FAM227B: variants seen among roughly 807,000 people sequenced by gnomAD.
FAM227B encodes the protein protein FAM227B.
A neutral mutation model predicts 73.8 loss-of-function variants in FAM227B; 88 were observed. The ratio of observed to expected loss-of-function variants is 1.19; its 90% CI spans 1.00 to 1.42. The LOEUF (loss-of-function observed/expected upper bound fraction) is 1.42. Among genes scored for constraint, FAM227B ranks in the 40% most tolerant of loss-of-function variants. The pLI, the probability that FAM227B is intolerant of heterozygous loss-of-function variation, is 0.00. For synonymous variants in FAM227B, 210 were observed against 190.5 expected (o/e 1.10, Z -0.84); for missense variants, 632 against 590.9 (o/e 1.07, Z -0.72).
chr15:49,603,095 T>A (rs1435870111), intron 3 of FAM227B, among the ~76,000 whole-genome samples: 1 of 152,196 alleles, frequency 6.6e-6, no homozygotes, highest in Non-Finnish European at 1.5e-5. Context: ...CTTGTTTTAC[T>A]CTTTTGCTTA....
At chr15:49,340,587 C>T (rs980953676) in intron 13 of FAM227B, among the ~76,000 whole-genome samples, 9 of 152,066 alleles carry the variant, frequency 5.9e-5, no homozygotes, top group African/African-American at 2.2e-4. Context: ...CAGCAAAGTC[C>T]TTGCCCACTT....
chr15:49,608,507 TAAG>T (rs1161590697), intron 3 of FAM227B, among the ~76,000 whole-genome samples: 1 of 151,948 alleles, frequency 6.6e-6, no homozygotes, highest in Non-Finnish European at 1.5e-5. Context: ...AGGTAAGAAA[TAAG>T]AAGCATGACT....
chr15:49,500,774 T>C (rs1180534105), intron 11 of FAM227B, among the ~76,000 whole-genome samples: 3 of 152,130 alleles, frequency 2.0e-5, no homozygotes, highest in Non-Finnish European at 4.4e-5. Context: ...TGGGGCCTGG[T>C]GGGAGGTGGC....
At chr15:49,500,016 A>T (rs2058009851) in intron 11 of FAM227B, among the ~76,000 whole-genome samples, 2 of 152,176 alleles carry the variant, frequency 1.3e-5, no homozygotes, top group Non-Finnish European at 2.9e-5. Context: ...CTAATTATAA[A>T]CTTTTGTTTT....
chr15:49,439,878 C>T (rs765563102), intron 11 of FAM227B, among the ~76,000 whole-genome samples: 1 of 151,680 alleles, frequency 6.6e-6, no homozygotes, highest in Non-Finnish European at 1.5e-5. Flanking sequence ...TGGAAGGAAG[C>T]CATGAGATCA....
chr15:49,361,473 C>G (rs943115255), intron 13 of FAM227B, among the ~76,000 whole-genome samples: 10 of 152,252 alleles, frequency 6.6e-5, no homozygotes, highest in African/African-American at 2.4e-4. Flanking sequence ...TGTTTAGCTC[C>G]TACTTATTAG....
chr15:49,374,667 CTGAG>C (rs2046043379), intron 11 of FAM227B, among the ~76,000 whole-genome samples: 1 of 152,184 alleles, frequency 6.6e-6, no homozygotes, highest in Non-Finnish European at 1.5e-5. Flanking sequence ...CCTCAGCCTC[CTGAG>C]TATTGAGATT....
Position 49,591,423 on chromosome 15 carries a change from TCCTC to T in FAM227B, c.106-1420_106-1417del, listed in dbSNP as rs1304115132. 4.1e-5 allele frequency among the ~76,000 whole-genome samples: 5 copies of T among 120,640 alleles called. No individual in the cohort carries two copies. The Admixed American group carries it at 4.9e-4, about 12-fold the overall frequency. The allele number at this position is 120,640 out of a possible 152,430, so 79.1% of individuals were successfully genotyped here. A position where few individuals can be genotyped will look rare whatever the true frequency, so the allele number is the denominator to read the frequency against. On this transcript the variant is annotated intron_variant, in intron 3 of 15. Coordinates refer to ENST00000299338, the MANE Select transcript of FAM227B (RefSeq NM_152647.3). ...TTCCTTCCTTCCCTCCTTCCGTCCT[TCCTC>T]AGCCTCCCAAAGTGCTGGGATTACA...
intron 11 of FAM227B, among the ~76,000 whole-genome samples, chr15:49,413,625 C>T (rs1025825628): frequency 2.6e-5 from 4 of 152,088 alleles, no homozygotes; most frequent in Non-Finnish European, 5.9e-5. Context: ...ATCTCCCAAA[C>T]ATTCTCCAAA....
chr15:49,539,330 T>C (rs2070727292), intron 10 of FAM227B, among the ~76,000 whole-genome samples: 2 of 152,150 alleles, frequency 1.3e-5, no homozygotes, highest in South Asian at 2.1e-4. Context: ...TTTTCTCCCA[T>C]AGTGGAATTC....
intron 11 of FAM227B, among the ~76,000 whole-genome samples, chr15:49,475,354 C>T (rs562549256): frequency 3.1e-4 from 47 of 152,120 alleles, no homozygotes; most frequent in Admixed American, 5.2e-4. Context: ...ATTCTGGCTA[C>T]GTGTTCAAGA....
intron 9 of FAM227B, among the ~76,000 whole-genome samples, chr15:49,550,407 G>A (rs1358014127): frequency 2.0e-5 from 3 of 151,732 alleles, no homozygotes; most frequent in African/African-American, 2.4e-5. Flanking sequence ...CCTCCCGGAC[G>A]GGGTGGCTGC....
intron 9 of FAM227B, among the ~76,000 whole-genome samples, chr15:49,546,233 T>A (rs1372095501): frequency 6.6e-6 from 1 of 152,090 alleles, no homozygotes; most frequent in East Asian, 1.9e-4. Context: ...CTTGCAACAG[T>A]TTGCTGAGAA....
chr15:49,446,418 G>A (rs1460561395), intron 11 of FAM227B, among the ~76,000 whole-genome samples: 1 of 151,464 alleles, frequency 6.6e-6, no homozygotes, highest in Non-Finnish European at 1.5e-5. Context: ...GAAATAATTT[G>A]GTAAGTTACG....
At chr15:49,588,564 T>TAC (rs2076322777) in intron 4 of FAM227B, among the ~76,000 whole-genome samples, 1 of 59,530 alleles carries the variant, frequency 1.7e-5, no homozygotes, top group East Asian at 4.1e-4. Context: ...TATATATATA[T>TAC]ATATATATAT....
chr15:49,494,989 A>G (rs2057469336), intron 11 of FAM227B, among the ~76,000 whole-genome samples: 1 of 152,198 alleles, frequency 6.6e-6, no homozygotes, highest in Non-Finnish European at 1.5e-5. Context: ...AATATATCAC[A>G]TTGTTTTATG....
At chr15:49,424,156 A>C (rs1196215052) in intron 11 of FAM227B, 1 of 692,342 alleles carries the variant, frequency 1.4e-6, no homozygotes, top group Non-Finnish European at 2.4e-6. Flanking sequence ...GGATAAGGCT[A>C]ACAATTTGGA....
intron 9 of FAM227B, among the ~76,000 whole-genome samples, chr15:49,557,302 T>G (rs903526690): frequency 1.3e-5 from 2 of 152,178 alleles, no homozygotes; most frequent in Non-Finnish European, 2.9e-5. Flanking sequence ...TACCTTTAAT[T>G]GAGGGACATA....
At chr15:49,533,718 A>G (rs950708650) in intron 10 of FAM227B, among the ~76,000 whole-genome samples, 1 of 151,700 alleles carries the variant, frequency 6.6e-6, no homozygotes, top group Non-Finnish European at 1.5e-5. Context: ...TATCATTTGC[A>G]TGGATTATCT....
Sources: allele counts gnomAD v4.1 joint callset (sites outside exome capture counted in the v4.1 genomes callset), GRCh38; gene constraint gnomAD v4.1.1; transcripts MANE v1.5; gene names NCBI Gene and HGNC (gene_info 2026-07-23, HGNC 2026-07-21).